The following NLGN1 variants were observed in gnomAD, a reference collection of about 807,000 sequenced individuals.
NLGN1 encodes the protein neuroligin-1.
A neutral mutation model predicts 65.5 loss-of-function variants in NLGN1; 12 were observed. The ratio of observed to expected loss-of-function variants is 0.18; its 90% CI spans 0.12 to 0.30. The LOEUF (loss-of-function observed/expected upper bound fraction) is 0.30. NLGN1 is among the 10% of genes least tolerant of loss of function. The pLI is 1.00. For missense variants in NLGN1, 750 were observed against 1,007.1 expected (o/e 0.74, Z 3.46); for synonymous variants, 350 against 359.5 (o/e 0.97, Z 0.30).
chr3:174,030,786 AG>A (rs376365997), intron 4 of NLGN1, among the ~76,000 whole-genome samples: 167 of 152,320 alleles, frequency 1.1e-3, no homozygotes, highest in African/African-American at 3.8e-3. Context: ...AAGGAAACTA[AG>A]TTCTAAGCCA....
At chr3:173,933,651 C>T (rs943360792) in intron 4 of NLGN1, among the ~76,000 whole-genome samples, 1 of 152,052 alleles carries the variant, frequency 6.6e-6, no homozygotes, top group Non-Finnish European at 1.5e-5. Flanking sequence ...TTTTCTATTT[C>T]CTCTTTCAGA....
chr3:174,026,998 C>A (rs927751321), intron 4 of NLGN1, among the ~76,000 whole-genome samples: 9 of 149,492 alleles, frequency 6.0e-5, no homozygotes, highest in African/African-American at 2.5e-5. Flanking sequence ...CTTGGGTGTT[C>A]AAGGACAACA....
chr3:174,278,937 T>C, exon 6 of NLGN1: 1 of 1,532,132 alleles, frequency 6.5e-7, no homozygotes, highest in Non-Finnish European at 8.8e-7. Context: ...CTGCAAAATA[T>C]GCTAGAATGT....
chr3:173,942,110 GT>G (rs1261170641), intron 4 of NLGN1, among the ~76,000 whole-genome samples: 14 of 97,196 alleles, frequency 1.4e-4, no homozygotes, highest in African/African-American at 3.4e-4. Flanking sequence ...GTGGTTGGGG[GT>G]GTGTGTGTGT....
intron 1 of NLGN1, among the ~76,000 whole-genome samples, chr3:173,424,965 CT>C (rs1472411414): frequency 6.6e-6 from 1 of 152,144 alleles, no homozygotes; most frequent in Non-Finnish European, 1.5e-5. Context: ...AAGATACTAC[CT>C]GAGACTGGGT....
At chr3:173,789,935 T>C (rs1054080223) in intron 3 of NLGN1, 4 of 494,062 alleles carry the variant, frequency 8.1e-6, no homozygotes, top group Non-Finnish European at 1.6e-5. Flanking sequence ...GTGAGCTTCA[T>C]TCCTTCTGCA....
chr3:173,469,986 T>TTATA (rs3030765), intron 2 of NLGN1, among the ~76,000 whole-genome samples: 3 of 150,552 alleles, frequency 2.0e-5, no homozygotes, highest in South Asian at 2.1e-4. Flanking sequence ...TTATATATGA[T>TTATA]TATATATATA....
intron 1 of NLGN1, among the ~76,000 whole-genome samples, chr3:173,431,219 A>G (rs1477239535): frequency 6.6e-6 from 1 of 152,192 alleles, no homozygotes; most frequent in African/African-American, 2.4e-5. Flanking sequence ...CTTCTGGCCC[A>G]GTAAGATGTT....
intron 2 of NLGN1, among the ~76,000 whole-genome samples, chr3:173,480,095 T>C: frequency 6.6e-6 from 1 of 152,232 alleles, no homozygotes; most frequent in Non-Finnish European, 1.5e-5. Context: ...TTGGAGTATA[T>C]TCTAGTGCTG....
At chr3:173,637,202 A>C (rs1238734918) in intron 3 of NLGN1, among the ~76,000 whole-genome samples, 1 of 152,186 alleles carries the variant, frequency 6.6e-6, no homozygotes, top group Non-Finnish European at 1.5e-5. Context: ...AAAATCATTA[A>C]AGAGGCCTAC....
At chr3:173,898,896 T>G (rs1359950265) in intron 4 of NLGN1, among the ~76,000 whole-genome samples, 1 of 152,106 alleles carries the variant, frequency 6.6e-6, no homozygotes, top group African/African-American at 2.4e-5. Flanking sequence ...TGAAATTGTT[T>G]TGCGGACCAT....
At chr3:173,628,114 C>T (rs1232168872) in intron 3 of NLGN1, among the ~76,000 whole-genome samples, 1 of 152,156 alleles carries the variant, frequency 6.6e-6, no homozygotes, top group African/African-American at 2.4e-5. Flanking sequence ...CCTGTCCCAC[C>T]TGGATAAGCA....
At chr3:174,293,685 T>C in the NLGN1 span, among the ~76,000 whole-genome samples, 1 of 151,542 alleles carries the variant, frequency 6.6e-6, no homozygotes. Context: ...AAGGCATAGA[T>C]TCAGGGGTGA....
At chr3:173,492,026 A>G (rs1176073035) in intron 2 of NLGN1, among the ~76,000 whole-genome samples, 1 of 151,806 alleles carries the variant, frequency 6.6e-6, no homozygotes, top group Non-Finnish European at 1.5e-5. Context: ...AGGAAGCAAG[A>G]TAGTGGGTAA....
chr3:173,641,166 C>T (rs949626543), intron 3 of NLGN1, among the ~76,000 whole-genome samples: 2 of 152,068 alleles, frequency 1.3e-5, no homozygotes, highest in Admixed American at 1.3e-4. Context: ...TCCCTTTGTA[C>T]TTGTTATTCT....
intron 1 of NLGN1, among the ~76,000 whole-genome samples, chr3:173,400,167 A>T (rs953990246): frequency 6.6e-6 from 1 of 152,192 alleles, no homozygotes; most frequent in Non-Finnish European, 1.5e-5. Context: ...ATCTTACTGG[A>T]TTGTCAATAG....
intron 4 of NLGN1, among the ~76,000 whole-genome samples, chr3:174,083,409 AG>A (rs1416970356): frequency 6.6e-6 from 1 of 152,202 alleles, no homozygotes; most frequent in Non-Finnish European, 1.5e-5. Flanking sequence ...CGCACATAGT[AG>A]GTAGTAAATA....
chr3:173,906,611 G>T (rs1429848520), intron 4 of NLGN1, among the ~76,000 whole-genome samples: 1 of 151,946 alleles, frequency 6.6e-6, no homozygotes, highest in Non-Finnish European at 1.5e-5. Context: ...CAAAACAGTG[G>T]GTGATTCTTT....
At chr3:173,667,646 T>C (rs933536445) in intron 3 of NLGN1, among the ~76,000 whole-genome samples, 23 of 152,184 alleles carry the variant, frequency 1.5e-4, no homozygotes, top group Non-Finnish European at 2.6e-4. Flanking sequence ...TCCCTTTTTT[T>C]TGAGTTCAAG....
Sources: allele counts gnomAD v4.1 joint callset (sites outside exome capture counted in the v4.1 genomes callset), GRCh38; gene constraint gnomAD v4.1.1; transcripts MANE v1.5; gene names NCBI Gene and HGNC (gene_info 2026-07-23, HGNC 2026-07-21).